The following ZNF804B variants were observed in gnomAD, a reference collection of about 807,000 sequenced individuals.
The protein encoded by ZNF804B is zinc finger protein 804B.
A neutral mutation model predicts 101.4 loss-of-function variants in ZNF804B; 80 were observed. That is an observed-to-expected ratio of 0.79 (90% CI 0.66 to 0.95). The LOEUF is 0.95. Among genes scored for constraint, ZNF804B ranks in the 40% least tolerant of loss-of-function variants. The pLI is 0.00. For synonymous variants in ZNF804B, 622 were observed against 558.8 expected (o/e 1.11, Z -1.59); for missense variants, 1,673 against 1,561.9 (o/e 1.07, Z -1.20).
intron 1 of ZNF804B, among the ~76,000 whole-genome samples, chr7:89,160,363 G>T (rs1008538621): frequency 1.3e-5 from 2 of 152,104 alleles, no homozygotes; most frequent in African/African-American, 2.4e-5. Flanking sequence ...AACCGTATGT[G>T]ATGACACCTT....
intron 2 of ZNF804B, among the ~76,000 whole-genome samples, chr7:89,301,417 A>G (rs1314792783): frequency 3.3e-5 from 5 of 151,700 alleles, no homozygotes; most frequent in Admixed American, 6.6e-5. Context: ...CCTATGCACC[A>G]CCATCACAAT....
chr7:89,011,792 T>A (rs1421640473), intron 1 of ZNF804B, among the ~76,000 whole-genome samples: 1 of 152,118 alleles, frequency 6.6e-6, no homozygotes. Context: ...TGGGCTGGCT[T>A]TGACTGTCTG....
intron 2 of ZNF804B, among the ~76,000 whole-genome samples, chr7:89,311,314 C>T (rs1248204517): frequency 5.3e-5 from 8 of 152,126 alleles, no homozygotes; most frequent in Non-Finnish European, 8.8e-5. Context: ...AGAGAATATA[C>T]GTAACATTCA....
intron 1 of ZNF804B, among the ~76,000 whole-genome samples, chr7:88,874,261 G>C (rs1188180770): frequency 6.6e-6 from 1 of 151,940 alleles, no homozygotes; most frequent in Non-Finnish European, 1.5e-5. Context: ...TCATGATTTG[G>C]CTTTCTGTTT....
chr7:89,220,983 T>G (rs1788996336), intron 2 of ZNF804B, among the ~76,000 whole-genome samples: 1 of 151,888 alleles, frequency 6.6e-6, no homozygotes, highest in Non-Finnish European at 1.5e-5. Flanking sequence ...TCAGACATAT[T>G]TTTTTCATGG....
intron 1 of ZNF804B, among the ~76,000 whole-genome samples, chr7:89,189,252 C>A (rs556155075): frequency 6.6e-6 from 1 of 152,126 alleles, no homozygotes; most frequent in East Asian, 1.9e-4. Context: ...CACTGTTGAG[C>A]CCTATTACTC....
At chr7:89,163,700 T>A (rs1791101614) in intron 1 of ZNF804B, among the ~76,000 whole-genome samples, 1 of 152,172 alleles carries the variant, frequency 6.6e-6, no homozygotes, top group Non-Finnish European at 1.5e-5. Flanking sequence ...TTTATGAATT[T>A]TCAATGACTA....
intron 1 of ZNF804B, among the ~76,000 whole-genome samples, chr7:89,186,022 G>A (rs1210944005): frequency 2.6e-5 from 4 of 151,990 alleles, no homozygotes; most frequent in Non-Finnish European, 2.9e-5. Context: ...GATATTGACA[G>A]GAAAAACTGA....
rs529686539 is a variant in ZNF804B at position 89,286,865 on chromosome 7, C to A, written c.250-40479C>A. The stretch of plus-strand genomic sequence containing the variant: ...AGCAATTGAGAAAGCAAAATATAGA[C>A]AGAAATACAATGTATTTCCATAAAT... On this transcript the variant is annotated intron_variant, in intron 2 of 3. Transcript: ENST00000333190. Among the ~76,000 whole-genome samples, 330 of 152,106 alleles carry A rather than the reference C, an allele frequency of 2.2e-3. 2 individuals carry two copies. Among genetic ancestry groups the A allele is most frequent in the African/African-American group, 7.0e-3 (289 of 41,508 alleles).
intron 2 of ZNF804B, among the ~76,000 whole-genome samples, chr7:89,285,079 C>T (rs1230840220): frequency 6.6e-6 from 1 of 151,736 alleles, no homozygotes; most frequent in African/African-American, 2.4e-5. Context: ...AATAGCCAGG[C>T]ATGGTGGTGC....
intron 1 of ZNF804B, among the ~76,000 whole-genome samples, chr7:89,156,614 A>G (rs999315708): frequency 6.6e-6 from 1 of 152,134 alleles, no homozygotes; most frequent in African/African-American, 2.4e-5. Flanking sequence ...AGGTGCTCAG[A>G]AAAGCATGAA....
At chr7:89,265,281 T>TGC (rs1278967364) in intron 2 of ZNF804B, among the ~76,000 whole-genome samples, 6 of 96,850 alleles carry the variant, frequency 6.2e-5, no homozygotes, top group Non-Finnish European at 1.2e-4. Context: ...TGTGTGTGTG[T>TGC]GTGTGTGTGT....
intron 1 of ZNF804B, among the ~76,000 whole-genome samples, chr7:88,923,400 T>A (rs1792752676): frequency 6.6e-6 from 1 of 152,162 alleles, no homozygotes; most frequent in South Asian, 2.1e-4. Context: ...TGTCTTCTAA[T>A]TTTTTTGTTC....
intron 1 of ZNF804B, among the ~76,000 whole-genome samples, chr7:88,839,416 T>A (rs1170953932): frequency 1.3e-5 from 2 of 151,982 alleles, no homozygotes; most frequent in Admixed American, 6.6e-5. Context: ...CCTCCTAGTT[T>A]CCTTAGGAGG....
At chr7:88,761,844 G>T (rs981901950) in intron 1 of ZNF804B, among the ~76,000 whole-genome samples, 1 of 152,168 alleles carries the variant, frequency 6.6e-6, no homozygotes, top group African/African-American at 2.4e-5. Flanking sequence ...TGTAGGGCTT[G>T]CAGAAGAATT....
Position 89,297,132 on chromosome 7 carries a change from C to T in ZNF804B, c.250-30212C>T, listed in dbSNP as rs1790396212. ...TATAGGTAGATGTGTTCTGCCTGAC[C>T]AGGTCACAATTTCAAGTAGCATGTA... On this transcript the variant is annotated intron_variant, in intron 2 of 3. Coordinates refer to ENST00000333190, the MANE Select transcript of ZNF804B (RefSeq NM_181646.5). Among the ~76,000 whole-genome samples the T allele has an allele frequency of 3.9e-5, 6 of 151,980 alleles. No individual in the cohort carries two copies. In the South Asian group the frequency reaches 1.2e-3, roughly 31 times the overall value.
chr7:89,010,481 A>G (rs904950585), intron 1 of ZNF804B, among the ~76,000 whole-genome samples: 8 of 152,176 alleles, frequency 5.3e-5, no homozygotes, highest in African/African-American at 1.7e-4. Flanking sequence ...TTTAGGTAAC[A>G]TGAAATTTCC....
intron 1 of ZNF804B, among the ~76,000 whole-genome samples, chr7:88,943,436 T>C (rs1793083826): frequency 6.6e-6 from 1 of 151,892 alleles, no homozygotes; most frequent in African/African-American, 2.4e-5. Flanking sequence ...CATTGTAGTA[T>C]TTTTCTTTGT....
chr7:89,334,710 A>G lies in ZNF804B; in HGVS notation c.1728A>G (p.Lys576=). 6.2e-7 allele frequency: 1 copy of G among 1,613,752 alleles called. No homozygotes were observed. Among genetic ancestry groups the G allele is most frequent in the Non-Finnish European group, 8.5e-7 (1 of 1,179,838 alleles). Residue 576 remains lysine, a synonymous_variant, in exon 4 of 4, where the codon AAA becomes AAG. Transcript: ENST00000333190. ...YTFSANDLEM[K]NPKVPLYLNT... Reference sequence around the variant, plus strand: ...TCAGTGCAAATGATTTGGAAATGAAAAATCCTAAAGTGCCTCTTTACCTCA... The same window carrying G: ...TCAGTGCAAATGATTTGGAAATGAAGAATCCTAAAGTGCCTCTTTACCTCA...
Sources: gnomAD v4.1 joint callset for allele counts (sites outside exome capture counted in the v4.1 genomes callset) on GRCh38, gnomAD v4.1.1 for gene constraint, MANE v1.5 for transcripts, NCBI Gene and HGNC (gene_info 2026-07-23, HGNC 2026-07-21) for gene names.